The following CPLANE1 variants were observed in gnomAD, a reference collection of about 807,000 sequenced individuals.
The protein encoded by CPLANE1 is ciliogenesis and planar polarity effector complex subunit 1.
A neutral mutation model predicts 362.5 loss-of-function variants in CPLANE1; 263 were observed. The observed-to-expected ratio is 0.73, with a 90% CI of 0.66 to 0.80. The LOEUF (loss-of-function observed/expected upper bound fraction) is 0.80, where lower values mean the gene tolerates loss of function less well. CPLANE1 is among the 30% of genes least tolerant of loss of function. CPLANE1 has a pLI of 0.00. For synonymous variants in CPLANE1, 1,212 were observed against 1,302.6 expected, an observed-to-expected ratio of 0.93 and a Z score of 1.50; for missense variants, 3,461 against 3,793.4, an observed-to-expected ratio of 0.91 and a Z score of 2.30.
chr5:37,107,880 A>G, intron 52 of CPLANE1, 102 bp from the exon 53 acceptor site: 1 of 1,444,206 alleles, frequency 6.9e-7, no homozygotes, highest in Non-Finnish European at 9.1e-7. Flanking sequence ...CAAAAATTCT[A>G]GAGTTGCTCA....
chr5:37,122,430 C>T lies in CPLANE1; in HGVS notation c.9017G>A (p.Arg3006Lys). ...LRQKMKHEKDRLLLSEHYSRR... is the reference protein window; with the variant it reads ...LRQKMKHEKDKLLLSEHYSRR... The stretch of plus-strand genomic sequence containing the variant: ...ACAGGGTTACAGCTACCAAACTCAC[C>T]TGTCTTTTTCATGCTTCATCTTTTG... The change falls in exon 48 of 53, where the codon AGA becomes AAA. Residue 3006 changes from arginine to lysine, a missense_variant and splice_region_variant. By Grantham distance (26) the Arg-to-Lys change is conservative. Coordinates refer to ENST00000651892, the MANE Select transcript of CPLANE1 (RefSeq NM_001384732.1). The T allele has an allele frequency of 3.1e-6, 5 of 1,612,782 alleles. No homozygotes were observed. The highest frequency in any genetic ancestry group is 4.2e-6 in the Non-Finnish European group (5 of 1,179,324).
chr5:37,140,082 T>C (rs1400751937), intron 44 of CPLANE1: 1 of 918,824 alleles, frequency 1.1e-6, no homozygotes, highest in East Asian at 1.2e-4. Context: ...ATATAATTTT[T>C]AAGTCTTGTC....
rs1796473810 is a variant in CPLANE1, at chr5:37,226,348, C to T, written c.2247G>A (p.Lys749=). The part of the protein sequence containing the change: ...QKNWSWNSFF[K]IHPQVVNPVQ... ...CAGGATTTACTACTTGAGGATGAAT[C>T]TTGAAAAATGAGTTCCAAGACCAGT... is the stretch of plus-strand genomic sequence containing the variant. Residue 749 remains lysine, a synonymous_variant, in exon 12 of 53, where the codon AAG becomes AAA. Coordinates refer to ENST00000651892, the MANE Select transcript of CPLANE1 (RefSeq NM_001384732.1). The T allele has an allele frequency of 6.5e-7, 1 of 1,542,428 alleles. No individual in the cohort carries two copies. Among genetic ancestry groups the T allele is most frequent in the African/African-American group, 1.4e-5 (1 of 72,526 alleles).
chr5:37,199,096 CAAAAAAAAAAA>C (rs35945783), intron 19 of CPLANE1, among the ~76,000 whole-genome samples: 35 of 47,172 alleles, frequency 7.4e-4, no homozygotes, highest in East Asian at 3.4e-3. Flanking sequence ...CACCCTGTCT[CAAAAAAAAAAA>C]AAAAAAAAAA....
At chr5:37,098,581 G>T in the CPLANE1 span, among the ~76,000 whole-genome samples, 3 of 151,832 alleles carry the variant, frequency 2.0e-5, no homozygotes, top group Admixed American at 2.0e-4. Flanking sequence ...TCAGCACACA[G>T]AATATTATCA....
chr5:37,150,980 T>G (rs1773391533), intron 42 of CPLANE1, among the ~76,000 whole-genome samples: 1 of 152,184 alleles, frequency 6.6e-6, no homozygotes, highest in Non-Finnish European at 1.5e-5. Flanking sequence ...TCCTTTCCAA[T>G]CTACCTTCCA....
At chr5:37,198,648 AAT>A in intron 20 of CPLANE1, 52 bp downstream of exon 20, 1 of 1,490,400 alleles carries the variant, frequency 6.7e-7, no homozygotes, top group Non-Finnish European at 9.2e-7. Flanking sequence ...CAATAATATA[AAT>A]ATGAGTAATT....
At chr5:37,232,643 C>G (rs1797967974) in intron 8 of CPLANE1, among the ~76,000 whole-genome samples, 1 of 150,920 alleles carries the variant, frequency 6.6e-6, no homozygotes, top group Non-Finnish European at 1.5e-5. Flanking sequence ...TCAAGACCAG[C>G]CAGGGCAACA....
Position 37,242,905 on chromosome 5 carries a change from T to TGA in CPLANE1, c.677+106_677+107dup. Reference sequence around the variant, plus strand: ...CTGTAGTCACAGGTACTCAGGAGGCTGAGCTATGATTGTGCCACTACCCCC... The same window carrying TGA: ...CTGTAGTCACAGGTACTCAGGAGGCTGAGAGCTATGATTGTGCCACTACCCCC... On this transcript the variant is annotated intron_variant, in intron 6 of 52. Coordinates refer to ENST00000651892, the MANE Select transcript of CPLANE1 (RefSeq NM_001384732.1). The TGA allele has an allele frequency of 8.8e-6, 6 of 678,986 alleles. No individual in the cohort carries two copies. The South Asian group carries it at 9.8e-5, about 11-fold the overall frequency. 42.1% of individuals were successfully genotyped at this position (678,986 alleles called of 1,614,324 possible). A position where few individuals can be genotyped will look rare whatever the true frequency, so the allele number is the denominator to read the frequency against.
Position 37,187,547 on chromosome 5 carries a change from C to A in CPLANE1, c.3947G>T (p.Cys1316Phe), listed in dbSNP as rs760729964. The part of the protein sequence containing the change: ...EKDLEVEFDS[C>F]MIEHCLSAVE... ...TGCACTAAGACAGTGCTCAATCATACAAGAATCAAACTCCACTTCAAGGTC... is the reference window on the plus strand; with the variant it reads ...TGCACTAAGACAGTGCTCAATCATAAAAGAATCAAACTCCACTTCAAGGTC... Residue 1316 changes from cysteine to phenylalanine, a missense_variant, in exon 23 of 53, where the codon TGT becomes TTT. Transcript: ENST00000651892. 4.4e-6 allele frequency: 7 copies of A among 1,607,412 alleles called. No individual in the cohort carries two copies. Among genetic ancestry groups the A allele is most frequent in the Non-Finnish European group, 5.9e-6 (7 of 1,178,338 alleles).
chr5:37,238,092 A>C (rs1169392684), intron 8 of CPLANE1, among the ~76,000 whole-genome samples: 1 of 152,116 alleles, frequency 6.6e-6, no homozygotes, highest in Non-Finnish European at 1.5e-5. Context: ...TGAGGAAGGA[A>C]TGACTGAGCC....
chr5:37,153,768 G>C lies in CPLANE1; in HGVS notation c.8345C>G (p.Pro2782Arg). ...AENIEQDFPKPEMLDLHCDKI... is the reference protein window; with the variant it reads ...AENIEQDFPKREMLDLHCDKI... ...ATCACAATGTAGATCTAGCATTTCA[G>C]GCTTGGGGAAATCCTGTTCTATGTT... Residue 2782 changes from proline (P) to arginine (R), a missense_variant, in exon 42 of 53, where the codon CCT becomes CGT. Physicochemically the swap from Pro to Arg is moderately radical, Grantham distance 103. Transcript: ENST00000651892. The C allele has an allele frequency of 1.2e-6, 2 of 1,613,126 alleles. No homozygotes were observed. The highest frequency in any genetic ancestry group is 1.7e-6 in the Non-Finnish European group (2 of 1,179,374).
chr5:37,082,050 G>C, the CPLANE1 span, among the ~76,000 whole-genome samples: 1 of 149,948 alleles, frequency 6.7e-6, no homozygotes, highest in Non-Finnish European at 1.5e-5. Flanking sequence ...CCAAGATCGC[G>C]CCATTGCACT....
chr5:37,093,240 C>A, the CPLANE1 span, among the ~76,000 whole-genome samples: 6 of 152,332 alleles, frequency 3.9e-5, no homozygotes, highest in Non-Finnish European at 8.8e-5. Context: ...TAATGAACTT[C>A]TCTTATAGCA....
At chr5:37,177,152 T>G (rs908454306) in intron 30 of CPLANE1, among the ~76,000 whole-genome samples, 1 of 152,236 alleles carries the variant, frequency 6.6e-6, no homozygotes, top group Non-Finnish European at 1.5e-5. Flanking sequence ...ACATGAAAAC[T>G]GCCTTCAGCT....
rs886060573 is a variant in CPLANE1, at chr5:37,138,842, T to A, written c.8670A>T (p.Ser2890=). 6.2e-7 allele frequency: 1 copy of A among 1,602,600 alleles called. No individual in the cohort carries two copies. Among genetic ancestry groups the A allele is most frequent in the South Asian group, 1.1e-5 (1 of 87,966 alleles). The change falls in exon 46 of 53, where the codon TCA becomes TCT. Residue 2890 remains serine, a synonymous_variant. Coordinates refer to ENST00000651892, the MANE Select transcript of CPLANE1 (RefSeq NM_001384732.1). Reference sequence around the variant, plus strand: ...ATCCAGTCATCTGGAGCGGATGTACTGAAACACTTCATTTGCAAATGTAAT... The same window carrying A: ...ATCCAGTCATCTGGAGCGGATGTACAGAAACACTTCATTTGCAAATGTAAT... ...NSSDELCESV[S]VHPLQMTGLT... is the part of the protein sequence containing the mutation.
intron 33 of CPLANE1, 38 bp downstream of exon 33, chr5:37,170,003 C>T (rs746426077): frequency 1.3e-6 from 2 of 1,586,152 alleles, no homozygotes; most frequent in Non-Finnish European, 1.7e-6. Context: ...ACATGAGCCA[C>T]CGCGCCCAGC....
At chr5:37,140,651 G>C (rs1580098146) in intron 44 of CPLANE1, 3 of 985,318 alleles carry the variant, frequency 3.0e-6, no homozygotes, top group Non-Finnish European at 3.6e-6. Flanking sequence ...TTCCAATAAC[G>C]ACTGGGCTGC....
the CPLANE1 span, among the ~76,000 whole-genome samples, chr5:37,082,325 GA>G: frequency 5.9e-4 from 89 of 152,024 alleles, 2 homozygotes; most frequent in South Asian, 0.018. Context: ...TTTTCAAATA[GA>G]AAAAAATCAA....
Sources: gnomAD v4.1 joint callset for allele counts (sites outside exome capture counted in the v4.1 genomes callset) on GRCh38, gnomAD v4.1.1 for gene constraint, MANE v1.5 for transcripts, NCBI Gene and HGNC (gene_info 2026-07-23, HGNC 2026-07-21) for gene names.